The following APBB1IP variants were observed in gnomAD, a reference collection of about 807,000 sequenced individuals.
APBB1IP encodes the protein amyloid beta A4 precursor protein-binding family B member 1-interacting protein.
Under a neutral mutation model 64.9 loss-of-function variants are expected in APBB1IP, and 27 were observed. That is an observed-to-expected ratio of 0.42 (90% CI 0.31 to 0.57). The LOEUF is 0.57. APBB1IP is among the 20% of genes least tolerant of loss of function. The pLI, the probability that APBB1IP is intolerant of heterozygous loss-of-function variation, is 0.20. For missense variants in APBB1IP, 812 were observed against 845.5 expected (o/e 0.96, Z 0.49); for synonymous variants, 392 against 331.0 (o/e 1.18, Z -2.00).
intron 8 of APBB1IP, among the ~76,000 whole-genome samples, chr10:26,523,800 C>G (rs1329428281): frequency 6.6e-6 from 1 of 151,326 alleles, no homozygotes; most frequent in Non-Finnish European, 1.5e-5. Context: ...GACCTCATTT[C>G]TTTAAAAAAA....
rs1002671569 is a variant in APBB1IP, at chr10:26,502,166, C to A, written c.454-1031C>A. Reference sequence around the variant, plus strand: ...AACCACTGCTATAAAAAGATACATGCCTATATTCAAGTAATTAGAATGTAA... The same window carrying A: ...AACCACTGCTATAAAAAGATACATGACTATATTCAAGTAATTAGAATGTAA... On this transcript the variant is annotated intron_variant, in intron 5 of 14. Transcript: ENST00000376236. 4.6e-5 allele frequency among the ~76,000 whole-genome samples: 7 copies of A among 152,262 alleles called. No individual in the cohort carries two copies. In the South Asian group the frequency reaches 1.5e-3, roughly 32 times the overall value.
intron 8 of APBB1IP, among the ~76,000 whole-genome samples, chr10:26,524,206 T>C (rs1349929994): frequency 6.6e-6 from 1 of 152,090 alleles, no homozygotes; most frequent in Non-Finnish European, 1.5e-5. Context: ...CCTAGAAAGA[T>C]CACTCTCTGA....
intron 2 of APBB1IP, among the ~76,000 whole-genome samples, chr10:26,440,641 T>C (rs1016917093): frequency 6.6e-6 from 1 of 151,136 alleles, no homozygotes; most frequent in African/African-American, 2.4e-5. Flanking sequence ...TATGAATTAC[T>C]TTATGGCATT....
At chr10:26,519,689 G>A (rs1434139188) in intron 8 of APBB1IP, among the ~76,000 whole-genome samples, 1 of 152,174 alleles carries the variant, frequency 6.6e-6, no homozygotes, top group Non-Finnish European at 1.5e-5. Flanking sequence ...TTTTGCACAA[G>A]AATATGTTCT....
chr10:26,476,446 C>CAAAAAAAAAAAAAAAAAAAAA (rs58548133), intron 2 of APBB1IP, among the ~76,000 whole-genome samples: 5 of 78,146 alleles, frequency 6.4e-5, no homozygotes, highest in African/African-American at 1.1e-4. Flanking sequence ...GACCCTGTCT[C>CAAAAAAAAAAAAAAAAAAAAA]AAAAAAAAAA....
intron 11 of APBB1IP, among the ~76,000 whole-genome samples, chr10:26,551,320 A>C (rs775682584): frequency 2.5e-4 from 38 of 152,170 alleles, no homozygotes; most frequent in Non-Finnish European, 4.7e-4. Flanking sequence ...AAGAAACCTG[A>C]GTGTGAGTCC....
chr10:26,528,357 C>T (rs1315833292), intron 8 of APBB1IP, among the ~76,000 whole-genome samples: 6 of 152,194 alleles, frequency 3.9e-5, no homozygotes, highest in Admixed American at 1.3e-4. Context: ...TGCCTTTGTG[C>T]ATGCTTGTTC....
At chr10:26,565,416 ATG>A (rs1052971508) in intron 14 of APBB1IP, among the ~76,000 whole-genome samples, 1 of 152,218 alleles carries the variant, frequency 6.6e-6, no homozygotes, top group African/African-American at 2.4e-5. Flanking sequence ...GAAGGAATGA[ATG>A]AGCTGAGGGT....
rs148459343 is a variant in APBB1IP at position 26,454,082 on chromosome 10, A to G, written c.-1+15229A>G. 8.5e-5 allele frequency among the ~76,000 whole-genome samples: 13 copies of G among 152,344 alleles called. No individual in the cohort carries two copies. The East Asian group carries it at 2.5e-3, about 29-fold the overall frequency. ...CACATGGATGGAACTGGAGGTCATT[A>G]TAAGTAAAAAAATCCAGGCACAGAA... On this transcript the variant is annotated intron_variant, in intron 2 of 14. Transcript: ENST00000376236.
chr10:26,558,522 T>G (rs1419951730), intron 11 of APBB1IP, among the ~76,000 whole-genome samples: 1 of 151,660 alleles, frequency 6.6e-6, no homozygotes, highest in African/African-American at 2.4e-5. Flanking sequence ...GGTTCACGCA[T>G]GTAATCCCAG....
intron 8 of APBB1IP, among the ~76,000 whole-genome samples, chr10:26,526,627 G>T (rs921223217): frequency 3.9e-5 from 6 of 152,134 alleles, no homozygotes; most frequent in Non-Finnish European, 7.3e-5. Flanking sequence ...GCTGAGGCAG[G>T]AGAATCGCTT....
At chr10:26,494,502 T>A (rs1317050767) in intron 3 of APBB1IP, among the ~76,000 whole-genome samples, 1 of 152,186 alleles carries the variant, frequency 6.6e-6, no homozygotes, top group African/African-American at 2.4e-5. Flanking sequence ...ATAGACTGTG[T>A]TTTGAAAGAC....
chr10:26,458,670 A>T (rs1327500758), intron 2 of APBB1IP, among the ~76,000 whole-genome samples: 2 of 152,192 alleles, frequency 1.3e-5, no homozygotes, highest in Non-Finnish European at 2.9e-5. Flanking sequence ...GGTAACAAAC[A>T]AAGACTATAA....
At chr10:26,507,627 G>A (rs909641955) in intron 6 of APBB1IP, among the ~76,000 whole-genome samples, 1 of 152,342 alleles carries the variant, frequency 6.6e-6, no homozygotes, top group Admixed American at 6.5e-5. Context: ...CACATGGTTG[G>A]CAGCTGAGGA....
At chr10:26,469,767 C>T (rs1428428080) in intron 2 of APBB1IP, among the ~76,000 whole-genome samples, 3 of 152,134 alleles carry the variant, frequency 2.0e-5, no homozygotes, top group Non-Finnish European at 4.4e-5. Flanking sequence ...TCTCCTCCCT[C>T]CTTCCCCACT....
At chr10:26,529,921 G>C (rs554788824) in intron 8 of APBB1IP, among the ~76,000 whole-genome samples, 1 of 152,136 alleles carries the variant, frequency 6.6e-6, no homozygotes, top group Non-Finnish European at 1.5e-5. Flanking sequence ...GATTACAGGC[G>C]TGAGCCACCG....
Position 26,560,669 on chromosome 10 carries a change from T to C in APBB1IP, c.1255-61T>C, listed in dbSNP as rs149489717. On this transcript the variant is annotated intron_variant, in intron 12 of 14. Transcript: ENST00000376236. ...TTTCTTCTGTATATGTATATTGCAA[T>C]TGAGTGCAGAATTTGGGATACATGG... is the stretch of plus-strand genomic sequence containing the variant. The C allele has an allele frequency of 2.3e-4, 276 of 1,198,146 alleles. 2 individuals are homozygous for C. The East Asian group carries it at 4.4e-3, about 19-fold the overall frequency. The allele number at this position is 1,198,146 out of a possible 1,614,324, so 74.2% of individuals were successfully genotyped here.
intron 2 of APBB1IP, among the ~76,000 whole-genome samples, chr10:26,464,468 A>G (rs1240033635): frequency 6.6e-6 from 1 of 152,114 alleles, no homozygotes; most frequent in African/African-American, 2.4e-5. Context: ...TGGCACAATC[A>G]TGGTCCATTG....
chr10:26,509,890 C>T (rs1836230672), intron 6 of APBB1IP, among the ~76,000 whole-genome samples: 1 of 152,210 alleles, frequency 6.6e-6, no homozygotes, highest in Non-Finnish European at 1.5e-5. Context: ...AGCCTAGCTG[C>T]ATAACTTCAA....
Sources: allele counts gnomAD v4.1 joint callset (sites outside exome capture counted in the v4.1 genomes callset), GRCh38; gene constraint gnomAD v4.1.1; transcripts MANE v1.5; gene names NCBI Gene and HGNC (gene_info 2026-07-23, HGNC 2026-07-21).